ITGA4: variants seen among roughly 807,000 people sequenced by gnomAD.
ITGA4 encodes the protein integrin subunit alpha 4.
ITGA4 carries 63 observed loss-of-function variants against 133.6 expected under a neutral mutation model. That is an observed-to-expected ratio of 0.47 (90% CI 0.38 to 0.58). The LOEUF (loss-of-function observed/expected upper bound fraction) is 0.58, where lower values mean the gene tolerates loss of function less well. Among genes scored for constraint, ITGA4 ranks in the 20% least tolerant of loss-of-function variants. The pLI, the probability that ITGA4 is intolerant of heterozygous loss-of-function variation, is 0.00. For missense variants in ITGA4, 1,076 were observed against 1,252.7 expected (o/e 0.86, Z 2.13); for synonymous variants, 483 against 438.0 (o/e 1.10, Z -1.28).
chr2:181,523,201 CACACACATATAT>C lies in ITGA4; in HGVS notation c.2074-220_2074-209del, dbSNP rs573811211. The C allele has an allele frequency of 6.4e-4, 204 of 320,682 alleles. No individual in the cohort carries two copies. Among genetic ancestry groups the C allele is most frequent in the African/African-American group, 3.7e-3 (176 of 47,558 alleles). 19.9% of individuals were successfully genotyped at this position (320,682 alleles called of 1,614,324 possible). ...ACACATACACATACACATATATATA[CACACACATATAT>C]ACACACATATATACATACATATATA... On this transcript the variant is annotated intron_variant, in intron 18 of 27. Transcript: ENST00000397033. This position sits in a 1 kb window ranked among gnomAD's most constrained non-coding sequence, Gnocchi z 4.2.
chr2:181,514,866 T>G (rs948195093), intron 17 of ITGA4, among the ~76,000 whole-genome samples: 1 of 152,160 alleles, frequency 6.6e-6, no homozygotes, highest in African/African-American at 2.4e-5. Context: ...ACATGTTTTC[T>G]CACAACAAAA....
intron 24 of ITGA4, among the ~76,000 whole-genome samples, chr2:181,531,349 A>T (rs1686940902): frequency 6.6e-6 from 1 of 152,144 alleles, no homozygotes; most frequent in Non-Finnish European, 1.5e-5. Context: ...AACAAAGAAT[A>T]CGTAACTTAG....
At position 181,478,768 on chromosome 2, in the gene ITGA4, A is replaced by G; in HGVS notation, c.568A>G (p.Lys190Glu). Residue 190 changes from lysine (K) to glutamate (E), a missense_variant, in exon 5 of 28, where the codon AAA (lysine) becomes GAA (glutamate). By Grantham distance (56) the Lys-to-Glu change is moderately conservative (BLOSUM62 1). This residue lies in a region of ITGA4 where 436 missense variants were observed against 590.7 expected (regional missense o/e 0.74). Transcript: ENST00000397033. ...ATATTTCATTTTAGATTATGTGAAA[A>G]AATTTGGAGAAAATTTTGCATCATG... is the stretch of plus-strand genomic sequence containing the variant. ...IAPCYQDYVKKFGENFASCQA... is the reference protein window; with the variant it reads ...IAPCYQDYVKEFGENFASCQA... 1 of 1,456,664 alleles carries G rather than the reference A, an allele frequency of 6.9e-7. No individual in the cohort carries two copies. Among genetic ancestry groups the G allele is most frequent in the Non-Finnish European group, 9.3e-7 (1 of 1,076,666 alleles). 90.2% of individuals were successfully genotyped at this position (1,456,664 alleles called of 1,614,324 possible). A position where few individuals can be genotyped will look rare whatever the true frequency, so the allele number is the denominator to read the frequency against.
chr2:181,461,355 G>A (rs1024449409), intron 2 of ITGA4, among the ~76,000 whole-genome samples: 3 of 151,070 alleles, frequency 2.0e-5, no homozygotes, highest in African/African-American at 7.3e-5. Flanking sequence ...TTACCTCCCT[G>A]ACTCCCCAAG....
At chr2:181,475,376 C>T (rs1451820011) in intron 4 of ITGA4, 88 bp downstream of exon 4, 5 of 1,054,722 alleles carry the variant, frequency 4.7e-6, no homozygotes, top group Non-Finnish European at 7.1e-6. Flanking sequence ...TTTAGATGTT[C>T]AGAGGAGAGG....
At chr2:181,481,759 A>G (rs1685808794) in intron 7 of ITGA4, 76 bp downstream of exon 7, 1 of 573,844 alleles carries the variant, frequency 1.7e-6, no homozygotes, top group South Asian at 2.6e-5. Flanking sequence ...TAAAGGAGAA[A>G]CTGTGAATGT....
Position 181,523,375 on chromosome 2 carries a change from C to CAT in ITGA4, c.2074-59_2074-58dup. ...ATTCTTTTCAATAACCATCCTTAAA[C>CAT]ATATGTTACAAACTTTTTATTTCCT... On this transcript the variant is annotated intron_variant, in intron 18 of 27. Coordinates refer to ENST00000397033, the MANE Select transcript of ITGA4 (RefSeq NM_000885.6). The surrounding 1 kb of genome is among the most constrained non-coding windows in gnomAD (Gnocchi z 4.2). The CAT allele has an allele frequency of 1.1e-6, 1 of 942,288 alleles. No individual in the cohort carries two copies. The highest frequency in any genetic ancestry group is 1.3e-5 in the South Asian group (1 of 75,432). The allele number at this position is 942,288 out of a possible 1,614,324, so 58.4% of individuals were successfully genotyped here.
intron 4 of ITGA4, among the ~76,000 whole-genome samples, chr2:181,478,121 C>T (rs1009760823): frequency 1.3e-5 from 2 of 151,800 alleles, no homozygotes; most frequent in African/African-American, 4.8e-5. Flanking sequence ...TAAGCTAGGC[C>T]CAGAAAGACA....
chr2:181,487,767 G>A (rs915982038), intron 10 of ITGA4, among the ~76,000 whole-genome samples: 2 of 152,158 alleles, frequency 1.3e-5, no homozygotes, highest in African/African-American at 2.4e-5. Context: ...GAAGAAAATA[G>A]TGGCACCCTT....
intron 15 of ITGA4, among the ~76,000 whole-genome samples, chr2:181,506,998 T>C (rs959409334): frequency 1.3e-5 from 2 of 152,102 alleles, no homozygotes; most frequent in African/African-American, 4.8e-5. Context: ...TACTAGACTC[T>C]TTAATGGTCA....
intron 17 of ITGA4, among the ~76,000 whole-genome samples, chr2:181,512,322 G>T (rs1686522574): frequency 6.6e-6 from 1 of 152,000 alleles, no homozygotes; most frequent in Non-Finnish European, 1.5e-5. Context: ...AACTATTTTT[G>T]GGAGATTGGG....
rs147800154 is a variant in ITGA4, at chr2:181,467,304, A to G, written c.320-7656A>G. 6.6e-3 allele frequency among the ~76,000 whole-genome samples: 1,010 copies of G among 152,238 alleles called. 5 individuals are homozygous for G. Among genetic ancestry groups the G allele is most frequent in the Middle Eastern group, 0.041 (12 of 294 alleles). ...TTCACATCACATCATGAGTTTTGAA[A>G]GATCAGGTAAGTATATATGTTGTCT... On this transcript the variant is annotated intron_variant, in intron 2 of 27. Transcript: ENST00000397033.
rs1274933737 is a variant in ITGA4, at chr2:181,536,270, ATTCTTCCT to A, written c.*744_*751del. Reference sequence around the variant, plus strand: ...GTTTTTATGTAGGTATATATTTACCATTCTTCCTATCTATTCTTCCTATAACACACCTT... The same window carrying A: ...GTTTTTATGTAGGTATATATTTACCAATCTATTCTTCCTATAACACACCTT... On this transcript the variant is annotated 3_prime_UTR_variant, in exon 28 of 28. Coordinates refer to ENST00000397033, the MANE Select transcript of ITGA4 (RefSeq NM_000885.6). The A allele has an allele frequency of 6.6e-6, 1 of 151,906 alleles. No individual in the cohort carries two copies. The highest frequency in any genetic ancestry group is 1.5e-5 in the Non-Finnish European group (1 of 67,940). 9.4% of individuals were successfully genotyped at this position (151,906 alleles called of 1,614,324 possible). A position where few individuals can be genotyped will look rare whatever the true frequency, so the allele number is the denominator to read the frequency against.
At chr2:181,519,011 C>T (rs190548128) in intron 17 of ITGA4, among the ~76,000 whole-genome samples, 110 of 151,914 alleles carry the variant, frequency 7.2e-4, no homozygotes, top group Non-Finnish European at 1.2e-3. Flanking sequence ...TACAGAATTA[C>T]GTGTGTATGT....
chr2:181,534,401 A>G (rs1232593054), intron 26 of ITGA4, 31 bp downstream of exon 26: 1 of 1,217,338 alleles, frequency 8.2e-7, no homozygotes, highest in Non-Finnish European at 1.2e-6. Flanking sequence ...GCTACATTAA[A>G]ATTATAGGAA....
intron 15 of ITGA4, among the ~76,000 whole-genome samples, chr2:181,504,669 A>C (rs1395567699): frequency 6.6e-6 from 1 of 152,100 alleles, no homozygotes; most frequent in East Asian, 1.9e-4. Flanking sequence ...TCTTTGAGGC[A>C]GGATATTATC....
chr2:181,497,475 A>T (rs1686179011), intron 14 of ITGA4, among the ~76,000 whole-genome samples: 1 of 152,116 alleles, frequency 6.6e-6, no homozygotes, highest in South Asian at 2.1e-4. Context: ...GTAGACAGCT[A>T]TATCAATTGC....
chr2:181,530,752 A>G, intron 24 of ITGA4, 103 bp downstream of exon 24: 1 of 1,053,610 alleles, frequency 9.5e-7, no homozygotes, highest in Non-Finnish European at 1.4e-6. Context: ...ATAATAAGAG[A>G]GAAGACAAGT....
chr2:181,458,075 G>A (rs1407111829), intron 1 of ITGA4, 121 bp from the exon 2 acceptor site: 6 of 1,374,068 alleles, frequency 4.4e-6, no homozygotes, highest in East Asian at 4.7e-5. Flanking sequence ...CGAGTCGGGG[G>A]TGGTGGGCGG....
Sources: gnomAD v4.1 joint callset for allele counts (sites outside exome capture counted in the v4.1 genomes callset) on GRCh38, gnomAD v4.1.1 for gene constraint, gnomAD v4.1.1 regional missense constraint, Gnocchi (gnomAD v3.1) non-coding constraint, MANE v1.5 for transcripts, NCBI Gene and HGNC (gene_info 2026-07-23, HGNC 2026-07-21) for gene names.